The following SLC35F3 variants were observed in gnomAD, a reference collection of about 807,000 sequenced individuals.
SLC35F3 encodes the protein solute carrier family 35 member F3, also known as putative thiamine transporter SLC35F3.
In SLC35F3, 25 loss-of-function variants were observed where a neutral mutation model predicts 49.9. The observed-to-expected ratio is 0.50, with a 90% CI of 0.37 to 0.70. SLC35F3 has a LOEUF of 0.70. Among genes scored for constraint, SLC35F3 ranks in the 30% least tolerant of loss-of-function variants. The probability of loss-of-function intolerance (pLI) is 0.00; values close to 1 mark genes in which losing one functional copy is unlikely to be tolerated. For synonymous variants in SLC35F3, 275 were observed against 265.4 expected, an observed-to-expected ratio of 1.04 and a Z score of -0.35; for missense variants, 525 against 639.8, an observed-to-expected ratio of 0.82 and a Z score of 1.94.
chr1:234,169,790 T>C (rs1439379956), intron 2 of SLC35F3, among the ~76,000 whole-genome samples: 1 of 152,058 alleles, frequency 6.6e-6, no homozygotes, highest in Non-Finnish European at 1.5e-5. Context: ...GTTTTTGAGT[T>C]GGAGTCTCAC....
chr1:234,125,364 C>T (rs560766321), intron 2 of SLC35F3, among the ~76,000 whole-genome samples: 10 of 152,220 alleles, frequency 6.6e-5, no homozygotes, highest in Non-Finnish European at 1.5e-4. Flanking sequence ...TTCCTCCCTG[C>T]GCTACATCCA....
intron 2 of SLC35F3, among the ~76,000 whole-genome samples, chr1:233,993,313 G>C (rs1396407123): frequency 6.6e-6 from 1 of 152,048 alleles, no homozygotes; most frequent in Non-Finnish European, 1.5e-5. Context: ...GGTCAGTTTT[G>C]CTGGGCTGGT....
chr1:234,288,302 A>G (rs1323655576), intron 3 of SLC35F3, among the ~76,000 whole-genome samples: 1 of 152,262 alleles, frequency 6.6e-6, no homozygotes, highest in Admixed American at 6.5e-5. Context: ...CAAAGAAGGC[A>G]GTAAAATTCA....
chr1:234,007,372 G>A (rs1663645617), intron 2 of SLC35F3, among the ~76,000 whole-genome samples: 1 of 152,290 alleles, frequency 6.6e-6, no homozygotes, highest in South Asian at 2.1e-4. Context: ...GGGAGCAAGT[G>A]CAAGTTGTAA....
rs868250500 is a variant in SLC35F3, at chr1:234,214,282, C to T, written c.284-17135C>T. On this transcript the variant is annotated intron_variant, in intron 2 of 7. Transcript: ENST00000366618. The surrounding 1 kb of genome is among the most constrained non-coding windows in gnomAD (Gnocchi z 8.0). ...CGTGTGTGTGGAGTGGCTGCGCGGC[C>T]GGGGAGGATGTGCGCTGCAGGGCGG... 56 of 1,275,414 alleles carry T rather than the reference C, an allele frequency of 4.4e-5. 1 individual carries two copies. In the South Asian group the frequency reaches 1.3e-3, roughly 30 times the overall value. The allele number at this position is 1,275,414 out of a possible 1,614,324, so 79.0% of individuals were successfully genotyped here. A position where few individuals can be genotyped will look rare whatever the true frequency, so the allele number is the denominator to read the frequency against.
At chr1:233,933,035 T>TAAA (rs59669736) in intron 2 of SLC35F3, among the ~76,000 whole-genome samples, 26,795 of 134,678 alleles carry the variant, frequency 0.2, 3,015 homozygotes, top group Middle Eastern at 0.27. Flanking sequence ...GCTATTTAAG[T>TAAA]AAAAAAAAAA....
At chr1:234,028,052 T>C (rs148909569) in intron 2 of SLC35F3, among the ~76,000 whole-genome samples, 2 of 152,248 alleles carry the variant, frequency 1.3e-5, no homozygotes, top group African/African-American at 4.8e-5. Flanking sequence ...AGCTAGATCT[T>C]ATGGAAAAAG....
At chr1:234,219,062 A>AAAG (rs1667164041) in intron 2 of SLC35F3, among the ~76,000 whole-genome samples, 1 of 150,758 alleles carries the variant, frequency 6.6e-6, no homozygotes, top group African/African-American at 2.4e-5. Flanking sequence ...TCTCAAAAAA[A>AAAG]AAAAAAAAAA....
In SLC35F3 at chr1:234,007,187, A is replaced by G. The variant is rs530312324; in HGVS notation, c.283+101429A>G. 3.5e-4 allele frequency among the ~76,000 whole-genome samples: 53 copies of G among 152,284 alleles called. 2 individuals carry two copies. The highest frequency in any genetic ancestry group is 1.2e-3 in the African/African-American group (50 of 41,554). On this transcript the variant is annotated intron_variant, in intron 2 of 7. Transcript: ENST00000366618. ...ACAATAAACAATAAACCTAATAAAA[A>G]AGCAAATTATTAATATATAATAGCT...
intron 3 of SLC35F3, among the ~76,000 whole-genome samples, chr1:234,303,076 C>T (rs573285619): frequency 6.6e-6 from 1 of 152,040 alleles, no homozygotes; most frequent in Non-Finnish European, 1.5e-5. Context: ...TATAGACATC[C>T]TCTGATTTCT....
intron 2 of SLC35F3, among the ~76,000 whole-genome samples, chr1:234,142,270 GA>G (rs560432243): frequency 1.2e-4 from 18 of 151,842 alleles, no homozygotes; most frequent in Non-Finnish European, 2.2e-4. Flanking sequence ...TAAAGCTTAC[GA>G]AAAAAAAGAT....
intron 3 of SLC35F3, among the ~76,000 whole-genome samples, chr1:234,277,777 A>G (rs1668235465): frequency 1.3e-5 from 2 of 152,262 alleles, no homozygotes; most frequent in Admixed American, 6.5e-5. Flanking sequence ...TAGGACAAAC[A>G]AGACTGATGG....
At chr1:233,923,262 G>A (rs1662098852) in intron 2 of SLC35F3, among the ~76,000 whole-genome samples, 1 of 152,070 alleles carries the variant, frequency 6.6e-6, no homozygotes, top group African/African-American at 2.4e-5. Context: ...TCATGATATT[G>A]ATTCTTCCTA....
At chr1:234,034,619 C>G (rs1231283284) in intron 2 of SLC35F3, among the ~76,000 whole-genome samples, 1 of 148,798 alleles carries the variant, frequency 6.7e-6, no homozygotes, top group Non-Finnish European at 1.5e-5. Context: ...CTCCCGGATT[C>G]AAGCGATTAT....
At chr1:234,108,731 ATATATCTTT>A (rs1267962033) in intron 2 of SLC35F3, among the ~76,000 whole-genome samples, 1 of 45,200 alleles carries the variant, frequency 2.2e-5, no homozygotes. Flanking sequence ...ATATAAATAT[ATATATCTTT>A]TATATATAAA....
At chr1:233,951,441 G>A (rs114983477) in intron 2 of SLC35F3, among the ~76,000 whole-genome samples, 3,441 of 151,760 alleles carry the variant, frequency 0.023, 50 homozygotes, top group Non-Finnish European at 0.032. Flanking sequence ...CTCTACAGGT[G>A]TACCTTTCTT....
At chr1:234,100,556 A>G (rs527461530) in intron 2 of SLC35F3, among the ~76,000 whole-genome samples, 2 of 152,300 alleles carry the variant, frequency 1.3e-5, no homozygotes, top group African/African-American at 4.8e-5. Flanking sequence ...TTTATTTCCC[A>G]TGGAAATGTT....
chr1:234,186,051 C>T (rs894748910), intron 2 of SLC35F3, among the ~76,000 whole-genome samples: 17 of 152,184 alleles, frequency 1.1e-4, no homozygotes, highest in African/African-American at 4.1e-4. Flanking sequence ...GAGGTCCCCA[C>T]TAACAGAGAT....
At chr1:234,093,824 G>T (rs1041999746) in intron 2 of SLC35F3, among the ~76,000 whole-genome samples, 2 of 152,244 alleles carry the variant, frequency 1.3e-5, no homozygotes, top group African/African-American at 4.8e-5. Context: ...GTTACCCTAT[G>T]TCTTGCCATT....
Sources: allele counts gnomAD v4.1 joint callset (sites outside exome capture counted in the v4.1 genomes callset), GRCh38; gene constraint gnomAD v4.1.1; non-coding constraint Gnocchi (gnomAD v3.1); transcripts MANE v1.5; gene names NCBI Gene and HGNC (gene_info 2026-07-23, HGNC 2026-07-21).